PCDHGC3: variants seen among roughly 807,000 people sequenced by gnomAD.
PCDHGC3 encodes the protein protocadherin gamma-C3.
A neutral mutation model predicts 59.2 loss-of-function variants in PCDHGC3; 26 were observed. That is an observed-to-expected ratio of 0.44 (90% CI 0.32 to 0.61). The LOEUF (loss-of-function observed/expected upper bound fraction) is 0.61. Ranked by LOEUF, PCDHGC3 falls within the 20% of genes least tolerant of loss-of-function variation. The pLI, the probability that PCDHGC3 is intolerant of heterozygous loss-of-function variation, is 0.05. For missense variants in PCDHGC3, 1,080 were observed against 1,221.8 expected, an observed-to-expected ratio of 0.88 and a Z score of 1.73; for synonymous variants, 487 against 519.7, an observed-to-expected ratio of 0.94 and a Z score of 0.86.
chr5:141,511,147 A>T lies in PCDHGC3; in HGVS notation c.2779A>T (p.Lys927Ter). The change falls in exon 4 of 4, where the codon AAG becomes TAG. Residue 927 changes from lysine to a stop codon, truncating the protein, a stop_gained. Coordinates refer to ENST00000308177, the MANE Select transcript of PCDHGC3 (RefSeq NM_002588.4). LOFTEE classifies it high-confidence loss of function. Reference sequence around the variant, plus strand: ...AGCAGGTGGCAATGGCAACAAGAAGAAGTCGGGCAAGAAGGAGAAGAAGTA... The same window carrying T: ...AGCAGGTGGCAATGGCAACAAGAAGTAGTCGGGCAAGAAGGAGAAGAAGTA... The part of the protein sequence containing the change: ...APAGGNGNKK[K>*]SGKKEKK 1 of 1,614,188 alleles carries T rather than the reference A, an allele frequency of 6.2e-7. No homozygotes were observed. Among genetic ancestry groups the T allele is most frequent in the East Asian group, 2.2e-5 (1 of 44,876 alleles).
intron 2 of PCDHGC3, among the ~76,000 whole-genome samples, chr5:141,501,279 A>T (rs1180397181): frequency 3.0e-5 from 4 of 135,444 alleles, no homozygotes. Context: ...AGTCTATGGG[A>T]TATTCCCTTA....
In PCDHGC3 at chr5:141,512,243, C is replaced by T. The variant is rs1205585993; in HGVS notation, c.*1070C>T. ...AGGTCCCCTTGAGAGGTCAGAGGGG[C>T]CTCTGTGGGTGCTGGGTACTCCAGA... On this transcript the variant is annotated 3_prime_UTR_variant, in exon 4 of 4. Transcript: ENST00000308177. 2 of 152,728 alleles carry T rather than the reference C, an allele frequency of 1.3e-5. No homozygotes were observed. The highest frequency in any genetic ancestry group is 1.5e-5 in the Non-Finnish European group (1 of 68,138). 9.5% of individuals were successfully genotyped at this position (152,728 alleles called of 1,614,324 possible).
In PCDHGC3 at chr5:141,486,369, C is replaced by T; in HGVS notation, c.2430+7823C>T. 8 of 1,614,128 alleles carry T rather than the reference C, an allele frequency of 5.0e-6. No homozygotes were observed. The highest frequency in any genetic ancestry group is 6.8e-6 in the Non-Finnish European group (8 of 1,179,996). On this transcript the variant is annotated intron_variant, in intron 1 of 3. Coordinates refer to ENST00000308177, the MANE Select transcript of PCDHGC3 (RefSeq NM_002588.4). The surrounding 1 kb of genome is among the most constrained non-coding windows in gnomAD (Gnocchi z 5.0). ...GACCACTTGCCATTTGCCCTCAAGT[C>T]TGCCTTCAGGAACCAGTTCTCCCTG...
intron 3 of PCDHGC3, among the ~76,000 whole-genome samples, chr5:141,507,617 C>T (rs1366723844): frequency 6.6e-6 from 1 of 152,278 alleles, no homozygotes; most frequent in African/African-American, 2.4e-5. Context: ...GTATATTTAG[C>T]TGTTGTGGCC....
intron 2 of PCDHGC3, among the ~76,000 whole-genome samples, chr5:141,501,821 G>A (rs910825533): frequency 1.3e-5 from 2 of 152,028 alleles, no homozygotes; most frequent in Non-Finnish European, 2.9e-5. Context: ...ATAATTGGCA[G>A]CCCACCCACC....
Position 141,477,741 on chromosome 5 carries a change from G to A in PCDHGC3, c.1625G>A (p.Gly542Glu), listed in dbSNP as rs1438249932. Residue 542 changes from glycine (G) to glutamate (E), a missense_variant, in exon 1 of 4, where the codon GGG becomes GAG. Transcript: ENST00000308177. The surrounding 1 kb of genome is among the most constrained non-coding windows in gnomAD (Gnocchi z 4.9). ...EFELTAHISD[G>E]GTPVLATNIS... ...GAATTAACAGCTCATATCAGCGATG[G>A]GGGCACCCCGGTCCTAGCCACCAAC... is the stretch of plus-strand genomic sequence containing the variant. 4 of 1,613,802 alleles carry A rather than the reference G, an allele frequency of 2.5e-6. No individual in the cohort carries two copies. The highest frequency in any genetic ancestry group is 1.7e-5 in the Admixed American group (1 of 60,026).
rs763303627 is a variant in PCDHGC3 at position 141,489,719 on chromosome 5, C to T, written c.2431-5088C>T. The T allele has an allele frequency of 1.4e-5, 22 of 1,613,946 alleles. No homozygotes were observed. The highest frequency in any genetic ancestry group is 9.3e-5 in the African/African-American group (7 of 74,924). On this transcript the variant is annotated intron_variant, in intron 1 of 3. Coordinates refer to ENST00000308177, the MANE Select transcript of PCDHGC3 (RefSeq NM_002588.4). The surrounding 1 kb of genome is among the most constrained non-coding windows in gnomAD (Gnocchi z 4.5). ...TTCCCACTGGACAGTGCCCAGGATCCGGATGTGGGCACCAATACTGTGAGC... is the reference window on the plus strand; with the variant it reads ...TTCCCACTGGACAGTGCCCAGGATCTGGATGTGGGCACCAATACTGTGAGC...
At chr5:141,497,020 C>T (rs138768677) in intron 2 of PCDHGC3, among the ~76,000 whole-genome samples, 8 of 152,122 alleles carry the variant, frequency 5.3e-5, no homozygotes, top group African/African-American at 1.7e-4. Flanking sequence ...GAAACCCCAT[C>T]TCGATTAAAA....
rs777761385 is a variant in PCDHGC3 at position 141,489,558 on chromosome 5, G to T, written c.2431-5249G>T. 1.1e-5 allele frequency: 17 copies of T among 1,614,130 alleles called. No homozygotes were observed. In the South Asian group the frequency reaches 1.8e-4, roughly 17 times the overall value. On this transcript the variant is annotated intron_variant, in intron 1 of 3. Coordinates refer to ENST00000308177, the MANE Select transcript of PCDHGC3 (RefSeq NM_002588.4). The surrounding 1 kb of genome is among the most constrained non-coding windows in gnomAD (Gnocchi z 4.5). Reference sequence around the variant, plus strand: ...CCAGCACCAGCTGCCTGCTGCCAGTGCAGGTGGTGACTGAACACCCCCTGG... The same window carrying T: ...CCAGCACCAGCTGCCTGCTGCCAGTTCAGGTGGTGACTGAACACCCCCTGG...
At position 141,490,289 on chromosome 5, in the gene PCDHGC3, T is replaced by C; in HGVS notation, c.2431-4518T>C. ...GATGTCAATGACAATGCCCCAGAGG[T>C]GCTATTGGCCTCTTTGGCCAACCCT... On this transcript the variant is annotated intron_variant, in intron 1 of 3. Transcript: ENST00000308177. This position sits in a 1 kb window ranked among gnomAD's most constrained non-coding sequence, Gnocchi z 5.4. The C allele has an allele frequency of 1.2e-6, 2 of 1,614,096 alleles. No homozygotes were observed. The highest frequency in any genetic ancestry group is 1.7e-6 in the Non-Finnish European group (2 of 1,180,016).
At chr5:141,494,780 G>A (rs1314622459) in intron 1 of PCDHGC3, 27 bp from the exon 2 acceptor site, 13 of 1,613,898 alleles carry the variant, frequency 8.1e-6, no homozygotes, top group African/African-American at 1.3e-5. Context: ...CGGGTACTCA[G>A]CCCCTTTCCC....
intron 2 of PCDHGC3, among the ~76,000 whole-genome samples, chr5:141,504,859 C>T (rs1396681670): frequency 6.6e-6 from 1 of 152,090 alleles, no homozygotes; most frequent in African/African-American, 2.4e-5. Context: ...TCTTCCATTT[C>T]CCACCTTCAC....
At position 141,490,409 on chromosome 5, in the gene PCDHGC3, C is replaced by G; in HGVS notation, c.2431-4398C>G. On this transcript the variant is annotated intron_variant, in intron 1 of 3. Transcript: ENST00000308177. The surrounding 1 kb of genome is among the most constrained non-coding windows in gnomAD (Gnocchi z 5.4). ...AATGGTGAAGTGAGCCTTGATATCT[C>G]TCCGGACCTGCCATTTCAGATTAAG... 1 of 1,614,202 alleles carries G rather than the reference C, an allele frequency of 6.2e-7. No homozygotes were observed. Among genetic ancestry groups the G allele is most frequent in the Non-Finnish European group, 8.5e-7 (1 of 1,180,038 alleles).
chr5:141,476,574 G>A lies in PCDHGC3; in HGVS notation c.458G>A (p.Arg153His), dbSNP rs746783993. ...EISEAVAPGT[R>H]FPLESAHDPD... ...AGCGAGGCCGTGGCTCCGGGGACGC[G>A]CTTTCCGCTCGAGAGCGCGCACGAT... is the stretch of plus-strand genomic sequence containing the variant. Residue 153 changes from arginine (R) to histidine (H), a missense_variant, in exon 1 of 4, where the codon CGC becomes CAC. Arg to His is a conservative substitution (Grantham distance 29). Coordinates refer to ENST00000308177, the MANE Select transcript of PCDHGC3 (RefSeq NM_002588.4). The surrounding 1 kb of genome is among the most constrained non-coding windows in gnomAD (Gnocchi z 7.6). 40 of 1,614,084 alleles carry A rather than the reference G, an allele frequency of 2.5e-5. No homozygotes were observed. In the African/African-American group the frequency reaches 3.7e-4, roughly 15 times the overall value.
chr5:141,477,180 C>T lies in PCDHGC3; in HGVS notation c.1064C>T (p.Thr355Ile). Residue 355 changes from threonine (T) to isoleucine (I), a missense_variant, in exon 1 of 4, where the codon ACC becomes ATC. Coordinates refer to ENST00000308177, the MANE Select transcript of PCDHGC3 (RefSeq NM_002588.4). This position sits in a 1 kb window ranked among gnomAD's most constrained non-coding sequence, Gnocchi z 4.9. ...GACAACGCCCCGGAGATCACAGTCA[C>T]CTCCGTGTACAGCCCAGTACCCGAG... ...VNDNAPEITV[T>I]SVYSPVPEDA... 1 of 1,614,196 alleles carries T rather than the reference C, an allele frequency of 6.2e-7. No homozygotes were observed. The highest frequency in any genetic ancestry group is 8.5e-7 in the Non-Finnish European group (1 of 1,180,032).
At chr5:141,499,323 GCTCT>G (rs1259902316) in intron 2 of PCDHGC3, among the ~76,000 whole-genome samples, 1 of 152,046 alleles carries the variant, frequency 6.6e-6, no homozygotes, top group East Asian at 1.9e-4. Context: ...CAGTATCCCT[GCTCT>G]CTCTCAGTTT....
intron 3 of PCDHGC3, among the ~76,000 whole-genome samples, chr5:141,506,198 C>T (rs985517638): frequency 3.3e-5 from 5 of 152,156 alleles, no homozygotes; most frequent in Admixed American, 6.5e-5. Context: ...CGCCTGTAAT[C>T]CCAGCACTTT....
Position 141,489,338 on chromosome 5 carries a change from A to T in PCDHGC3, c.2431-5469A>T, listed in dbSNP as rs1303176012. 1 of 1,608,414 alleles carries T rather than the reference A, an allele frequency of 6.2e-7. No homozygotes were observed. Among genetic ancestry groups the T allele is most frequent in the South Asian group, 1.1e-5 (1 of 90,478 alleles). ...GGCTGGGTGTCTGGGCAGCTTCGTTACTCAGTGGTGGAGGAGTCTGAGCCG... is the reference window on the plus strand; with the variant it reads ...GGCTGGGTGTCTGGGCAGCTTCGTTTCTCAGTGGTGGAGGAGTCTGAGCCG... On this transcript the variant is annotated intron_variant, in intron 1 of 3. Coordinates refer to ENST00000308177, the MANE Select transcript of PCDHGC3 (RefSeq NM_002588.4). This position sits in a 1 kb window ranked among gnomAD's most constrained non-coding sequence, Gnocchi z 4.5.
At chr5:141,484,866 C>T in intron 1 of PCDHGC3, 1 of 275,618 alleles carries the variant, frequency 3.6e-6, no homozygotes, top group Non-Finnish European at 6.8e-6. Flanking sequence ...GGTGGGGGAG[C>T]GTGGAGGATA....
Sources: allele counts gnomAD v4.1 joint callset (sites outside exome capture counted in the v4.1 genomes callset), GRCh38; gene constraint gnomAD v4.1.1; non-coding constraint Gnocchi (gnomAD v3.1); transcripts MANE v1.5; gene names NCBI Gene and HGNC (gene_info 2026-07-23, HGNC 2026-07-21).